The following ACBD6 variants were observed in gnomAD, a reference collection of about 807,000 sequenced individuals.
ACBD6 encodes acyl-CoA-binding domain-containing protein 6.
A neutral mutation model predicts 37.2 loss-of-function variants in ACBD6; 28 were observed. The ratio of observed to expected loss-of-function variants is 0.75; its 90% CI spans 0.56 to 1.03. The LOEUF (loss-of-function observed/expected upper bound fraction) is 1.03. ACBD6 is among the 50% of genes least tolerant of loss of function. ACBD6 has a pLI of 0.00. For missense variants in ACBD6, 340 were observed against 337.4 expected (o/e 1.01, Z -0.06); for synonymous variants, 113 against 126.8 (o/e 0.89, Z 0.73).
At chr1:180,375,449 A>G (rs1176603103) in intron 6 of ACBD6, among the ~76,000 whole-genome samples, 1 of 152,042 alleles carries the variant, frequency 6.6e-6, no homozygotes, top group African/African-American at 2.4e-5. Flanking sequence ...CTTCAGCCTC[A>G]TGAGTAGCTG....
chr1:180,472,909 G>A (rs10798769), intron 3 of ACBD6, among the ~76,000 whole-genome samples: 2 of 151,778 alleles, frequency 1.3e-5, no homozygotes, highest in Admixed American at 6.6e-5. Context: ...CCCTAGTTTT[G>A]CAACACAAAT....
intron 3 of ACBD6, among the ~76,000 whole-genome samples, chr1:180,456,584 T>C (rs749734085): frequency 1.3e-5 from 2 of 152,170 alleles, no homozygotes; most frequent in Non-Finnish European, 2.9e-5. Flanking sequence ...ACACAGAACA[T>C]TTCTTTGATG....
chr1:180,480,843 C>T (rs891017926), intron 3 of ACBD6, among the ~76,000 whole-genome samples: 5 of 151,976 alleles, frequency 3.3e-5, no homozygotes, highest in African/African-American at 1.2e-4. Flanking sequence ...CCAGCCTAAC[C>T]GACATGGTGA....
At chr1:180,456,489 T>C (rs1393202008) in intron 3 of ACBD6, among the ~76,000 whole-genome samples, 1 of 152,084 alleles carries the variant, frequency 6.6e-6, no homozygotes, top group East Asian at 1.9e-4. Flanking sequence ...AGAGGATCCA[T>C]AGCAAACTTC....
intron 6 of ACBD6, among the ~76,000 whole-genome samples, chr1:180,352,379 A>G (rs1214066601): frequency 6.6e-6 from 1 of 152,032 alleles, no homozygotes; most frequent in Non-Finnish European, 1.5e-5. Context: ...GAGGATCAGG[A>G]GGTTTTCACC....
rs1341278997 is a variant in ACBD6, at chr1:180,502,408, T to C, written c.-142A>G. ...CCAAGCTCAGTCGCGGCGCGCTCCC[T>C]CACGTGACCCTGCTCCCTGCCCACT... On this transcript the variant is annotated 5_prime_UTR_variant, in exon 1 of 8. Transcript: ENST00000367595. 2 of 887,536 alleles carry C rather than the reference T, an allele frequency of 2.3e-6. No homozygotes were observed. The highest frequency in any genetic ancestry group is 3.6e-6 in the Non-Finnish European group (2 of 550,418). 55.0% of individuals were successfully genotyped at this position (887,536 alleles called of 1,614,324 possible). A position where few individuals can be genotyped will look rare whatever the true frequency, so the allele number is the denominator to read the frequency against.
At chr1:180,373,726 A>G (rs1009033698) in intron 6 of ACBD6, among the ~76,000 whole-genome samples, 1 of 152,154 alleles carries the variant, frequency 6.6e-6, no homozygotes, top group Non-Finnish European at 1.5e-5. Context: ...TAACCTCCAG[A>G]CATTAAAAAA....
intron 3 of ACBD6, among the ~76,000 whole-genome samples, chr1:180,486,690 A>T (rs1651276004): frequency 6.6e-6 from 1 of 152,224 alleles, no homozygotes; most frequent in Non-Finnish European, 1.5e-5. Flanking sequence ...ACATAGTCTC[A>T]AACTGTTTCC....
chr1:180,449,349 A>T (rs1393293909), intron 3 of ACBD6, among the ~76,000 whole-genome samples: 2 of 151,890 alleles, frequency 1.3e-5, no homozygotes, highest in Admixed American at 1.3e-4. Context: ...CATAAACTAA[A>T]TGTGCAAGCA....
chr1:180,309,321 G>C (rs1363982316), intron 7 of ACBD6, among the ~76,000 whole-genome samples: 1 of 152,158 alleles, frequency 6.6e-6, no homozygotes, highest in African/African-American at 2.4e-5. Flanking sequence ...CTACCCTGTT[G>C]CTATCTATAA....
At chr1:180,269,723 C>T (rs907606767) in exon 14 of ACBD6, 1 of 152,196 alleles carries the variant, frequency 6.6e-6, no homozygotes, top group South Asian at 2.1e-4. Flanking sequence ...TTCCCATTTG[C>T]ATAATTCAAA....
At chr1:180,311,064 T>C (rs1284645233) in intron 7 of ACBD6, among the ~76,000 whole-genome samples, 2 of 152,236 alleles carry the variant, frequency 1.3e-5, no homozygotes, top group Non-Finnish European at 2.9e-5. Flanking sequence ...ATAGTGTTTC[T>C]TTCCAGAACA....
intron 1 of ACBD6, among the ~76,000 whole-genome samples, chr1:180,501,409 C>T (rs953515691): frequency 1.3e-5 from 2 of 152,088 alleles, no homozygotes; most frequent in South Asian, 2.1e-4. Flanking sequence ...AGTGCAATGG[C>T]GCACAATCTT....
intron 6 of ACBD6, among the ~76,000 whole-genome samples, chr1:180,350,515 CCT>C (rs1436328363): frequency 6.6e-6 from 1 of 152,114 alleles, no homozygotes; most frequent in Admixed American, 6.5e-5. Flanking sequence ...CTTCCTATTC[CCT>C]TTCTCCCTAG....
At chr1:180,332,337 G>T (rs748515414) in intron 6 of ACBD6, among the ~76,000 whole-genome samples, 23 of 152,162 alleles carry the variant, frequency 1.5e-4, no homozygotes, top group Non-Finnish European at 2.1e-4. Flanking sequence ...AGTTAAAACA[G>T]GGGTCCCCAA....
chr1:180,360,077 T>A (rs1452995104), intron 6 of ACBD6, among the ~76,000 whole-genome samples: 2 of 152,228 alleles, frequency 1.3e-5, no homozygotes, highest in Non-Finnish European at 2.9e-5. Context: ...AGAACTTTTT[T>A]AATAGGATAT....
chr1:180,294,286 A>G (rs1009608845), intron 7 of ACBD6, among the ~76,000 whole-genome samples: 1 of 151,746 alleles, frequency 6.6e-6, no homozygotes, highest in Admixed American at 6.6e-5. Flanking sequence ...TAATCCTAGC[A>G]GTAGCATTTT....
At chr1:180,282,972 GTTTTTTT>G (rs34828086) in intron 8 of ACBD6, among the ~76,000 whole-genome samples, 128 of 110,016 alleles carry the variant, frequency 1.2e-3, no homozygotes, top group African/African-American at 3.4e-3. Flanking sequence ...ATGTCTTTCT[GTTTTTTT>G]TTTTTTTTTT....
chr1:180,439,496 C>T (rs970609070), intron 3 of ACBD6, among the ~76,000 whole-genome samples: 1 of 151,868 alleles, frequency 6.6e-6, no homozygotes, highest in Non-Finnish European at 1.5e-5. Context: ...GAGGCTGAGG[C>T]AGGAGAATGG....
Sources: allele counts gnomAD v4.1 joint callset (sites outside exome capture counted in the v4.1 genomes callset), GRCh38; gene constraint gnomAD v4.1.1; transcripts MANE v1.5; gene names NCBI Gene and HGNC (gene_info 2026-07-23, HGNC 2026-07-21).